TENM1: variants seen among roughly 807,000 people sequenced by gnomAD.
TENM1 encodes teneurin transmembrane protein 1, also known as teneurin-1.
Under a neutral mutation model 174.8 loss-of-function variants are expected in TENM1, and 35 were observed. That is an observed-to-expected ratio of 0.20 (90% CI 0.15 to 0.27). The LOEUF (loss-of-function observed/expected upper bound fraction) is 0.27. Ranked by LOEUF, TENM1 falls within the 10% of genes least tolerant of loss-of-function variation. The probability of loss-of-function intolerance (pLI) is 1.00; values close to 1 mark genes in which losing one functional copy is unlikely to be tolerated. For missense variants in TENM1, 1,633 were observed against 2,130.1 expected, an observed-to-expected ratio of 0.77 and a Z score of 4.59; for synonymous variants, 781 against 798.7, an observed-to-expected ratio of 0.98 and a Z score of 0.37.
the TENM1 span, among the ~76,000 whole-genome samples, chrX:125,072,912 A>C: frequency 9.0e-6 from 1 of 110,794 alleles, no homozygotes; most frequent in Non-Finnish European, 1.9e-5. Flanking sequence ...TTACATTGAG[A>C]GATTATCTCT....
At chrX:124,536,013 C>T (rs757705874) in intron 15 of TENM1, among the ~76,000 whole-genome samples, 9 of 111,453 alleles carry the variant, frequency 8.1e-5, no homozygotes, top group Non-Finnish European at 1.7e-4. Context: ...CTATTGTGAT[C>T]GGGAAGATGA....
the TENM1 span, among the ~76,000 whole-genome samples, chrX:125,099,498 T>C: frequency 8.9e-6 from 1 of 112,077 alleles, no homozygotes; most frequent in Non-Finnish European, 1.9e-5. Flanking sequence ...CCTTGTAATT[T>C]GGGGCTGCAA....
At chrX:124,438,455 G>C (rs2060868625) in intron 23 of TENM1, among the ~76,000 whole-genome samples, 1 of 111,034 alleles carries the variant, frequency 9.0e-6, no homozygotes, top group Non-Finnish European at 1.9e-5. Context: ...GGAAGACTGA[G>C]TGGTTCAAAA....
chrX:124,627,947 A>G (rs1209177588), intron 11 of TENM1, among the ~76,000 whole-genome samples: 1 of 111,488 alleles, frequency 9.0e-6, no homozygotes, highest in African/African-American at 3.3e-5. Context: ...TAATTATTCC[A>G]CTGTCATTTC....
the TENM1 span, among the ~76,000 whole-genome samples, chrX:125,107,978 CT>C: frequency 8.9e-6 from 1 of 112,095 alleles, no homozygotes; most frequent in African/African-American, 3.2e-5. Context: ...AGTCTAGTGA[CT>C]ACCTTCAGTC....
At chrX:124,382,096 T>A (rs187060478) in intron 31 of TENM1, among the ~76,000 whole-genome samples, 2 of 111,741 alleles carry the variant, frequency 1.8e-5, no homozygotes, top group Non-Finnish European at 3.8e-5. Flanking sequence ...TTCTTTCAGT[T>A]GAAAGAAAAA....
chrX:124,945,814 C>A (rs996510914), intron 1 of TENM1, among the ~76,000 whole-genome samples: 7 of 110,508 alleles, frequency 6.3e-5, no homozygotes, highest in African/African-American at 2.3e-4. Flanking sequence ...GAAAGTGATC[C>A]CCAAAATAAG....
At chrX:124,738,105 A>T (rs1468638686) in intron 3 of TENM1, among the ~76,000 whole-genome samples, 1 of 112,136 alleles carries the variant, frequency 8.9e-6, no homozygotes, top group African/African-American at 3.2e-5. Flanking sequence ...AGAAATCACT[A>T]TTGTAGCTGA....
chrX:124,428,625 T>C (rs2060744308), intron 23 of TENM1, among the ~76,000 whole-genome samples: 1 of 112,218 alleles, frequency 8.9e-6, no homozygotes. Context: ...ATAGTATATC[T>C]ACTTGTAAAG....
At chrX:124,593,653 C>A (rs1191092455) in intron 11 of TENM1, among the ~76,000 whole-genome samples, 1 of 111,637 alleles carries the variant, frequency 9.0e-6, no homozygotes, top group African/African-American at 3.3e-5. Context: ...GTTCTAAGTA[C>A]CTGAATTTCT....
At chrX:125,084,950 T>A in the TENM1 span, among the ~76,000 whole-genome samples, 1 of 110,864 alleles carries the variant, frequency 9.0e-6, no homozygotes, top group Non-Finnish European at 1.9e-5. Context: ...GAAATCTGAG[T>A]TCTTTACTGA....
At chrX:125,142,794 T>C in the TENM1 span, among the ~76,000 whole-genome samples, 1 of 110,756 alleles carries the variant, frequency 9.0e-6, no homozygotes, top group Non-Finnish European at 1.9e-5. Context: ...TATCACAGTG[T>C]CATGTATGCT....
At chrX:125,059,635 T>C in the TENM1 span, among the ~76,000 whole-genome samples, 1 of 111,521 alleles carries the variant, frequency 9.0e-6, no homozygotes, top group African/African-American at 3.3e-5. Flanking sequence ...CTAACCACTG[T>C]TTTTTCTCTA....
In TENM1 at chrX:124,754,343, C is replaced by T. The variant is rs757520212; in HGVS notation, c.536-17146G>A. Reference sequence around the variant, plus strand: ...GGGATTGGTGGTGACATCCCCTTTACCATTTTTTATTGCGTCTATTTGATT... The same window carrying T: ...GGGATTGGTGGTGACATCCCCTTTATCATTTTTTATTGCGTCTATTTGATT... On this transcript the variant is annotated intron_variant, in intron 3 of 31. Transcript: ENST00000422452. Among the ~76,000 whole-genome samples the T allele has an allele frequency of 2.4e-3, 264 of 111,421 alleles. 1 individual carries two copies. The highest frequency in any genetic ancestry group is 8.3e-3 in the African/African-American group (255 of 30,693).
intron 18 of TENM1, 123 bp downstream of exon 21, chrX:124,520,394 A>T (rs956977345): frequency 4.4e-5 from 32 of 719,797 alleles, no homozygotes; most frequent in African/African-American, 2.1e-5. Flanking sequence ...TAAATTAAAA[A>T]TGCCTTAGGT....
intron 5 of TENM1, 124 bp downstream of exon 8, chrX:124,704,889 A>G: frequency 2.0e-6 from 1 of 489,372 alleles, no homozygotes; most frequent in Non-Finnish European, 3.5e-6. Context: ...TCAATTTGTT[A>G]TCATACTAAG....
At chrX:124,625,821 A>G (rs2050623817) in intron 11 of TENM1, among the ~76,000 whole-genome samples, 1 of 110,667 alleles carries the variant, frequency 9.0e-6, no homozygotes, top group African/African-American at 3.3e-5. Context: ...TTCATGAGAA[A>G]TCCAACCCCA....
At chrX:124,810,432 G>T (rs1039188598) in intron 3 of TENM1, among the ~76,000 whole-genome samples, 1 of 110,853 alleles carries the variant, frequency 9.0e-6, no homozygotes, top group African/African-American at 3.3e-5. Flanking sequence ...ATCTGAAAGA[G>T]AAAGAAAAAC....
chrX:124,524,790 T>G (rs865800311), intron 16 of TENM1, among the ~76,000 whole-genome samples: 2 of 85,028 alleles, frequency 2.4e-5, no homozygotes, highest in Non-Finnish European at 4.3e-5. Context: ...TGCACTAGAT[T>G]ACTTCTCTTT....
Sources: gnomAD v4.1 joint callset for allele counts (sites outside exome capture counted in the v4.1 genomes callset) on GRCh38, gnomAD v4.1.1 for gene constraint, MANE v1.5 for transcripts, NCBI Gene and HGNC (gene_info 2026-07-23, HGNC 2026-07-21) for gene names.